CERS6: variants seen among roughly 807,000 people sequenced by gnomAD.
The protein encoded by CERS6 is LAG1 homolog, ceramide synthase 6.
In CERS6, 26 loss-of-function variants were observed where a neutral mutation model predicts 56.8. The observed-to-expected ratio is 0.46, with a 90% CI of 0.34 to 0.63. The LOEUF is 0.63. Ranked by LOEUF, CERS6 falls within the 30% of genes least tolerant of loss-of-function variation. The pLI is 0.01. For missense variants in CERS6, 415 were observed against 467.5 expected (o/e 0.89, Z 1.04); for synonymous variants, 164 against 173.3 (o/e 0.95, Z 0.42).
chr2:168,692,113 T>TC (rs1293182168), intron 5 of CERS6, among the ~76,000 whole-genome samples: 3 of 152,128 alleles, frequency 2.0e-5, no homozygotes, highest in African/African-American at 7.2e-5. Flanking sequence ...TACGAGTGGT[T>TC]TTTTCACATT....
At chr2:168,498,258 C>T (rs1694510547) in intron 1 of CERS6, among the ~76,000 whole-genome samples, 1 of 152,152 alleles carries the variant, frequency 6.6e-6, no homozygotes. Context: ...TCTTCTTGGA[C>T]TTCTGTCATC....
intron 1 of CERS6, among the ~76,000 whole-genome samples, chr2:168,468,918 T>TGAG: frequency 6.6e-6 from 1 of 152,164 alleles, no homozygotes; most frequent in East Asian, 1.9e-4. Flanking sequence ...AGGGTGTACA[T>TGAG]TAATATTTAG....
chr2:168,569,124 G>A (rs1321152203), intron 3 of CERS6, among the ~76,000 whole-genome samples: 6 of 152,138 alleles, frequency 3.9e-5, no homozygotes, highest in Non-Finnish European at 7.4e-5. Context: ...AGTTCTGGAG[G>A]CTAAAAGTCC....
At chr2:168,735,842 A>C (rs1683698452) in intron 8 of CERS6, among the ~76,000 whole-genome samples, 2 of 145,098 alleles carry the variant, frequency 1.4e-5, no homozygotes, top group Non-Finnish European at 3.0e-5. Flanking sequence ...TAATTGTGCT[A>C]CTGCACTCTG....
chr2:168,504,835 T>A (rs189934759), intron 1 of CERS6, among the ~76,000 whole-genome samples: 2 of 152,186 alleles, frequency 1.3e-5, no homozygotes, highest in East Asian at 3.9e-4. Context: ...GCTTCAGGAT[T>A]GAGGAGACCC....
Position 168,569,828 on chromosome 2 carries a change from A to T in CERS6, c.407+8506A>T, listed in dbSNP as rs949627269. Among the ~76,000 whole-genome samples the T allele has an allele frequency of 7.2e-5, 11 of 152,280 alleles. 2 individuals are homozygous for T. The South Asian group carries it at 1.9e-3, about 26-fold the overall frequency. ...GGGTTGCTGGCCACTGGATTCGTAA[A>T]ATGGGCACATTAATAGTGTCTGCTT... is the stretch of plus-strand genomic sequence containing the variant. On this transcript the variant is annotated intron_variant, in intron 3 of 9. Coordinates refer to ENST00000305747, the MANE Select transcript of CERS6 (RefSeq NM_203463.3).
intron 3 of CERS6, among the ~76,000 whole-genome samples, chr2:168,605,534 T>C (rs919485161): frequency 6.6e-6 from 1 of 152,184 alleles, no homozygotes; most frequent in African/African-American, 2.4e-5. Flanking sequence ...AAGAGGAGCC[T>C]AGTGCTAACA....
intron 6 of CERS6, among the ~76,000 whole-genome samples, chr2:168,696,528 C>A (rs1259579766): frequency 6.6e-6 from 1 of 152,172 alleles, no homozygotes; most frequent in Non-Finnish European, 1.5e-5. Flanking sequence ...ATGTCTTAAT[C>A]CAATTGAGCT....
chr2:168,649,496 C>CT (rs1685291385), intron 4 of CERS6, among the ~76,000 whole-genome samples: 1 of 151,996 alleles, frequency 6.6e-6, no homozygotes, highest in Non-Finnish European at 1.5e-5. Context: ...TATTTTTAGC[C>CT]TTTAAAGTAT....
chr2:168,477,004 C>T lies in CERS6; in HGVS notation c.170+20386C>T, dbSNP rs146688450. Among the ~76,000 whole-genome samples, 103 of 152,130 alleles carry T rather than the reference C, an allele frequency of 6.8e-4. 1 individual carries two copies. Among genetic ancestry groups the T allele is most frequent in the African/African-American group, 2.0e-3 (84 of 41,514 alleles). ...ATGACAAAATACCATAGACTGGTGG[C>T]GTAAACAACAGAAATTTATTTTTCA... is the stretch of plus-strand genomic sequence containing the variant. On this transcript the variant is annotated intron_variant, in intron 1 of 9. Coordinates refer to ENST00000305747, the MANE Select transcript of CERS6 (RefSeq NM_203463.3).
At chr2:168,656,184 A>G (rs1685464137) in intron 4 of CERS6, among the ~76,000 whole-genome samples, 1 of 152,214 alleles carries the variant, frequency 6.6e-6, no homozygotes, top group Non-Finnish European at 1.5e-5. Context: ...TGATCCAATA[A>G]TGTGGAACAG....
At chr2:168,493,815 C>CTT (rs1431580426) in intron 1 of CERS6, among the ~76,000 whole-genome samples, 1 of 150,762 alleles carries the variant, frequency 6.6e-6, no homozygotes, top group Non-Finnish European at 1.5e-5. Context: ...ATGTAACATA[C>CTT]AGATTAATGT....
chr2:168,512,724 A>G (rs1376422725), intron 1 of CERS6, among the ~76,000 whole-genome samples: 1 of 148,584 alleles, frequency 6.7e-6, no homozygotes, highest in South Asian at 2.1e-4. Context: ...CTGGAGTGCA[A>G]TGGCATGATC....
At chr2:168,630,423 A>T (rs1002197422) in intron 3 of CERS6, among the ~76,000 whole-genome samples, 3 of 152,182 alleles carry the variant, frequency 2.0e-5, no homozygotes, top group African/African-American at 7.2e-5. Context: ...TGAAAGTCAC[A>T]GCTAGACCAT....
chr2:168,483,638 C>T (rs1030599253), intron 1 of CERS6, among the ~76,000 whole-genome samples: 4 of 152,154 alleles, frequency 2.6e-5, no homozygotes, highest in Admixed American at 6.5e-5. Flanking sequence ...ATTATGAGCA[C>T]GAGGAGCTCC....
chr2:168,592,695 T>G (rs1683703784), intron 3 of CERS6, among the ~76,000 whole-genome samples: 1 of 152,000 alleles, frequency 6.6e-6, no homozygotes, highest in Admixed American at 6.6e-5. Context: ...AGGGGTGGAT[T>G]TTCCTCAGCT....
At chr2:168,604,557 A>G (rs1411126016) in intron 3 of CERS6, among the ~76,000 whole-genome samples, 1 of 152,148 alleles carries the variant, frequency 6.6e-6, no homozygotes, top group Non-Finnish European at 1.5e-5. Context: ...CAATGCTGGA[A>G]GTGGGGCCTG....
intron 1 of CERS6, among the ~76,000 whole-genome samples, chr2:168,504,656 G>A (rs1694643811): frequency 6.7e-6 from 1 of 150,350 alleles, no homozygotes; most frequent in African/African-American, 2.5e-5. Flanking sequence ...CTGGCGTAGT[G>A]GGGTGCTGAG....
intron 4 of CERS6, among the ~76,000 whole-genome samples, chr2:168,635,514 G>A (rs955433178): frequency 6.6e-6 from 1 of 152,152 alleles, no homozygotes; most frequent in African/African-American, 2.4e-5. Context: ...GCTAAACTTG[G>A]CAAGGCACCA....
Sources: gnomAD v4.1 joint callset for allele counts (sites outside exome capture counted in the v4.1 genomes callset) on GRCh38, gnomAD v4.1.1 for gene constraint, MANE v1.5 for transcripts, NCBI Gene and HGNC (gene_info 2026-07-23, HGNC 2026-07-21) for gene names.